The following CAMK2G variants were observed in gnomAD, a reference collection of about 807,000 sequenced individuals.
The protein encoded by CAMK2G is calcium/calmodulin dependent protein kinase II gamma.
CAMK2G carries 23 observed loss-of-function variants against 88.7 expected under a neutral mutation model. The observed-to-expected ratio is 0.26, with a 90% CI of 0.19 to 0.37. The LOEUF (loss-of-function observed/expected upper bound fraction) is 0.37. Among genes scored for constraint, CAMK2G ranks in the 10% least tolerant of loss-of-function variants. CAMK2G has a pLI of 1.00. For missense variants in CAMK2G, 476 were observed against 780.8 expected (o/e 0.61, Z 4.65); for synonymous variants, 263 against 294.8 (o/e 0.89, Z 1.11).
At chr10:73,853,049 T>A (rs2135157469) in intron 4 of CAMK2G, 143 bp downstream of exon 4, 1 of 739,310 alleles carries the variant, frequency 1.4e-6, no homozygotes, top group East Asian at 2.6e-5. Flanking sequence ...GGGGCAGCAA[T>A]CTGCCCCAGT....
At chr10:73,864,399 T>G (rs1191617597) in intron 2 of CAMK2G, among the ~76,000 whole-genome samples, 2 of 152,182 alleles carry the variant, frequency 1.3e-5, no homozygotes, top group East Asian at 1.9e-4. Context: ...CCTGCCCTCA[T>G]GGAGCTGACA....
chr10:73,847,319 G>C lies in CAMK2G; in HGVS notation c.725C>G (p.Thr242Ser), dbSNP rs1319872665. The C allele has an allele frequency of 6.2e-7, 1 of 1,614,158 alleles. No homozygotes were observed. The highest frequency in any genetic ancestry group is 2.2e-5 in the East Asian group (1 of 44,886). ...DFPSPEWDTV[T>S]PEAKNLINQM... ...GTTGATCAAGTTCTTGGCTTCAGGA[G>C]TTACCGTGTCCCATTCTGGTGATGG... is the stretch of plus-strand genomic sequence containing the variant. Residue 242 changes from threonine to serine, a missense_variant, in exon 10 of 23, where the codon ACT (threonine) becomes AGT (serine). Thr to Ser is a moderately conservative substitution (Grantham distance 58). Transcript: ENST00000423381.
In CAMK2G at chr10:73,874,399, G is replaced by C; in HGVS notation, c.63C>G (p.Gly21=). The C allele has an allele frequency of 6.7e-7, 1 of 1,499,526 alleles. No individual in the cohort carries two copies. The highest frequency in any genetic ancestry group is 9.0e-7 in the Non-Finnish European group (1 of 1,113,764). 92.9% of individuals were successfully genotyped at this position (1,499,526 alleles called of 1,614,324 possible). ...TDDYQLFEEL[G]KGAFSVVRRC... ...GGACCGCGGCGGGCGGGCCGTACTTGCCAAGCTCCTCGAAGAGCTGGTAGT... is the reference window on the plus strand; with the variant it reads ...GGACCGCGGCGGGCGGGCCGTACTTCCCAAGCTCCTCGAAGAGCTGGTAGT... The change falls in exon 1 of 23, where the codon GGC becomes GGG. Residue 21 remains glycine, a splice_region_variant and synonymous_variant. Coordinates refer to ENST00000423381, the MANE Select transcript of CAMK2G (RefSeq NM_001367534.1).
chr10:73,835,058 T>C lies in CAMK2G; in HGVS notation c.1053+2410A>G, dbSNP rs555890054. On this transcript the variant is annotated intron_variant, in intron 14 of 22. Transcript: ENST00000423381. ...ATATCCCTCCCCTCCTGTCTCCTCC[T>C]TAACCCAGCAAAATCCAGCTACTCC... Among the ~76,000 whole-genome samples the C allele has an allele frequency of 3.3e-5, 5 of 152,254 alleles. No homozygotes were observed. The South Asian group carries it at 8.3e-4, about 25-fold the overall frequency.
intron 2 of CAMK2G, among the ~76,000 whole-genome samples, chr10:73,872,086 C>T (rs1284933876): frequency 1.3e-5 from 2 of 152,250 alleles, no homozygotes; most frequent in South Asian, 2.1e-4. Flanking sequence ...TGCAGCCCTC[C>T]GAGATCTGAC....
At chr10:73,864,440 G>A (rs769859247) in intron 2 of CAMK2G, among the ~76,000 whole-genome samples, 3 of 152,204 alleles carry the variant, frequency 2.0e-5, no homozygotes, top group Non-Finnish European at 4.4e-5. Context: ...GGGAGGGATG[G>A]ACAGTAAGAA....
At chr10:73,849,155 T>C in intron 6 of CAMK2G, 40 bp from the exon 7 acceptor site, 1 of 1,587,720 alleles carries the variant, frequency 6.3e-7, no homozygotes, top group Non-Finnish European at 8.7e-7. Context: ...GCACCCACCC[T>C]GCAGCCCAGA....
Position 73,847,283 on chromosome 10 carries a change from G to A in CAMK2G, c.761C>T (p.Thr254Ile). 6.2e-7 allele frequency: 1 copy of A among 1,614,086 alleles called. No individual in the cohort carries two copies. Among genetic ancestry groups the A allele is most frequent in the Non-Finnish European group, 8.5e-7 (1 of 1,179,918 alleles). The change falls in exon 10 of 23, where the codon ACC becomes ATC. Residue 254 changes from threonine to isoleucine, a missense_variant. Thr to Ile is a moderately conservative substitution (Grantham distance 89). This residue lies in a region of CAMK2G where 164 missense variants were observed against 385.6 expected (regional missense o/e 0.43). Coordinates refer to ENST00000423381, the MANE Select transcript of CAMK2G (RefSeq NM_001367534.1). ...CGTGATGCGCTTTGCTGGGTTTATGGTCAGCATCTGGTTGATCAAGTTCTT... is the reference window on the plus strand; with the variant it reads ...CGTGATGCGCTTTGCTGGGTTTATGATCAGCATCTGGTTGATCAAGTTCTT... ...EAKNLINQML[T>I]INPAKRITAD...
At chr10:73,814,805 A>T in intron 22 of CAMK2G, 198 bp downstream of exon 22, 1 of 584,854 alleles carries the variant, frequency 1.7e-6, no homozygotes, top group Admixed American at 3.0e-5. Flanking sequence ...GAGGTCATCC[A>T]ATTTGGAGTC....
Position 73,815,265 on chromosome 10 carries a change from G to A in CAMK2G, c.1535-18C>T. On this transcript the variant is annotated intron_variant, in intron 21 of 22. Coordinates refer to ENST00000423381, the MANE Select transcript of CAMK2G (RefSeq NM_001367534.1). ...GGACAGGACTGCAGGGCAGGGTGGG[G>A]TAGGTAAGAGGACATCAGGCCTGGG... 1 of 1,555,944 alleles carries A rather than the reference G, an allele frequency of 6.4e-7. No homozygotes were observed. The highest frequency in any genetic ancestry group is 1.1e-5 in the South Asian group (1 of 89,692).
chr10:73,857,304 T>C (rs556820512), intron 3 of CAMK2G, among the ~76,000 whole-genome samples: 3 of 152,252 alleles, frequency 2.0e-5, no homozygotes, highest in East Asian at 1.9e-4. Flanking sequence ...TAGCCCCCTT[T>C]CCTGGCTGAA....
chr10:73,835,362 C>T (rs1225445868), intron 14 of CAMK2G, among the ~76,000 whole-genome samples: 1 of 151,014 alleles, frequency 6.6e-6, no homozygotes. Context: ...GTGGCTTGAT[C>T]TTGGCTCACC....
At chr10:73,816,940 CT>C in intron 21 of CAMK2G, 82 bp downstream of exon 21, 1 of 1,612,948 alleles carries the variant, frequency 6.2e-7, no homozygotes, top group Non-Finnish European at 8.5e-7. Flanking sequence ...AAGTGGGCAA[CT>C]GGGATGAGAA....
chr10:73,858,690 T>C (rs2095219319), intron 3 of CAMK2G, among the ~76,000 whole-genome samples: 1 of 152,154 alleles, frequency 6.6e-6, no homozygotes, highest in Non-Finnish European at 1.5e-5. Flanking sequence ...CCAGGATATA[T>C]GGTCCCTCCG....
At chr10:73,826,214 C>T (rs1291340823) in intron 15 of CAMK2G, among the ~76,000 whole-genome samples, 4 of 152,170 alleles carry the variant, frequency 2.6e-5, no homozygotes, top group Admixed American at 2.6e-4. Flanking sequence ...GGGTGGATCA[C>T]CTGAGGTCAG....
Position 73,814,986 on chromosome 10 carries a change from C to A in CAMK2G, c.*12+17G>T, listed in dbSNP as rs757289835. On this transcript the variant is annotated intron_variant, in intron 22 of 22. Coordinates refer to ENST00000423381, the MANE Select transcript of CAMK2G (RefSeq NM_001367534.1). Reference sequence around the variant, plus strand: ...CCCAGGCCCTTCCAGCCCCTCTCCCCCGTCAACCAGGTGCACCTGTGGCTG... The same window carrying A: ...CCCAGGCCCTTCCAGCCCCTCTCCCACGTCAACCAGGTGCACCTGTGGCTG... 4 of 1,555,140 alleles carry A rather than the reference C, an allele frequency of 2.6e-6. No individual in the cohort carries two copies. The Admixed American group carries it at 6.7e-5, about 26-fold the overall frequency.
At chr10:73,837,876 G>A (rs754839192) in intron 13 of CAMK2G, among the ~76,000 whole-genome samples, 14 of 152,206 alleles carry the variant, frequency 9.2e-5, no homozygotes, top group Non-Finnish European at 1.9e-4. Context: ...TCCATCCCTA[G>A]GTGCCATGGA....
At chr10:73,815,358 C>A (rs2085042796) in intron 21 of CAMK2G, 111 bp from the exon 22 acceptor site, 2 of 726,460 alleles carry the variant, frequency 2.8e-6, no homozygotes, top group Non-Finnish European at 4.6e-6. Flanking sequence ...CTCCCAGAAT[C>A]TCCAAGTACC....
At chr10:73,823,175 C>T (rs916541922) in intron 17 of CAMK2G, among the ~76,000 whole-genome samples, 2 of 151,750 alleles carry the variant, frequency 1.3e-5, no homozygotes, top group Non-Finnish European at 2.9e-5. Flanking sequence ...TCTCTACTTT[C>T]TGCCATTTTC....
Sources: allele counts gnomAD v4.1 joint callset (sites outside exome capture counted in the v4.1 genomes callset), GRCh38; gene constraint gnomAD v4.1.1; regional missense constraint gnomAD v4.1.1; transcripts MANE v1.5; gene names NCBI Gene and HGNC (gene_info 2026-07-23, HGNC 2026-07-21).